Variants in KMO observed in about 807,000 individuals in gnomAD.
KMO encodes kynurenine 3-monooxygenase.
KMO carries 24 observed loss-of-function variants against 57.8 expected under a neutral mutation model. The ratio of observed to expected loss-of-function variants is 0.42; its 90% CI spans 0.30 to 0.58. The LOEUF (loss-of-function observed/expected upper bound fraction) is 0.58, where lower values mean the gene tolerates loss of function less well. Ranked by LOEUF, KMO falls within the 20% of genes least tolerant of loss-of-function variation. The pLI is 0.22. For missense variants in KMO, 483 were observed against 588.2 expected (o/e 0.82, Z 1.85); for synonymous variants, 210 against 193.6 (o/e 1.08, Z -0.70).
intron 1 of KMO, among the ~76,000 whole-genome samples, chr1:241,538,907 T>G (rs932045224): frequency 1.3e-5 from 2 of 152,116 alleles, no homozygotes; most frequent in Non-Finnish European, 2.9e-5. Context: ...ATTTGGCGCA[T>G]CCTCCTCCCA....
intron 5 of KMO, among the ~76,000 whole-genome samples, chr1:241,558,395 A>C (rs1005981702): frequency 1.3e-5 from 2 of 152,200 alleles, no homozygotes; most frequent in African/African-American, 4.8e-5. Context: ...CGAGGCATCA[A>C]ATGTGGGAGG....
At chr1:241,549,225 G>GA (rs1442252798) in intron 2 of KMO, among the ~76,000 whole-genome samples, 6 of 9,454 alleles carry the variant, frequency 6.3e-4, no homozygotes, top group Admixed American at 7.9e-4. Flanking sequence ...AAGAAAGAAA[G>GA]AAAGAAAGAA....
In KMO at chr1:241,593,416, C is replaced by T. The variant is rs536053372; in HGVS notation, c.*1263C>T. 266 of 407,146 alleles carry T rather than the reference C, an allele frequency of 6.5e-4. 1 individual carries two copies. The highest frequency in any genetic ancestry group is 4.9e-3 in the African/African-American group (243 of 49,564). 25.2% of individuals were successfully genotyped at this position (407,146 alleles called of 1,614,324 possible). On this transcript the variant is annotated 3_prime_UTR_variant, in exon 15 of 15. Transcript: ENST00000366559. ...AACATGATTAATTATGAAGATGAAA[C>T]ACTAGAGTCATATAAGAAATAAAAA...
At chr1:241,564,150 T>C (rs1169806888) in intron 7 of KMO, among the ~76,000 whole-genome samples, 1 of 152,150 alleles carries the variant, frequency 6.6e-6, no homozygotes, top group Non-Finnish European at 1.5e-5. Flanking sequence ...AGTGTAAAAA[T>C]GTTAGCTCCA....
At chr1:241,586,326 G>C in intron 10 of KMO, among the ~76,000 whole-genome samples, 1 of 150,406 alleles carries the variant, frequency 6.6e-6, no homozygotes, top group East Asian at 2.0e-4. Flanking sequence ...AGCCTCCCGA[G>C]TAGCTGGGAC....
At chr1:241,536,113 GT>G (rs1023524432) in intron 1 of KMO, among the ~76,000 whole-genome samples, 222 of 149,084 alleles carry the variant, frequency 1.5e-3, no homozygotes, top group African/African-American at 4.0e-3. Context: ...TTTTTAAAGA[GT>G]TTTTTTTTTA....
Position 241,588,167 on chromosome 1 carries a change from C to A in KMO, c.1016-581C>A, listed in dbSNP as rs79563324. ...ATACTCTCAACTTCAGAGTTGTGAACACTGAATAATTTCTATAAAGTTTTA... is the reference window on the plus strand; with the variant it reads ...ATACTCTCAACTTCAGAGTTGTGAAAACTGAATAATTTCTATAAAGTTTTA... On this transcript the variant is annotated intron_variant, in intron 11 of 14. Coordinates refer to ENST00000366559, the MANE Select transcript of KMO (RefSeq NM_003679.5). Among the ~76,000 whole-genome samples the A allele has an allele frequency of 4.3e-3, 656 of 151,924 alleles. 5 individuals are homozygous for A. Among genetic ancestry groups the A allele is most frequent in the African/African-American group, 0.015 (634 of 41,444 alleles).
At chr1:241,569,978 TTTTTATTA>T (rs1662217331) in intron 10 of KMO, among the ~76,000 whole-genome samples, 1 of 152,024 alleles carries the variant, frequency 6.6e-6, no homozygotes, top group African/African-American at 2.4e-5. Flanking sequence ...TCAGATATTA[TTTTTATTA>T]TTTTATTATT....
chr1:241,563,351 T>G (rs1488302985), intron 7 of KMO, among the ~76,000 whole-genome samples: 2 of 152,198 alleles, frequency 1.3e-5, no homozygotes, highest in Non-Finnish European at 2.9e-5. Context: ...GATTTGCATA[T>G]AAAGCATACA....
At chr1:241,566,717 C>T (rs1299417608) in intron 9 of KMO, 105 bp downstream of exon 9, 9 of 1,188,770 alleles carry the variant, frequency 7.6e-6, no homozygotes, top group Non-Finnish European at 1.1e-5. Context: ...ATGGATCATG[C>T]AGTAACCTGG....
intron 10 of KMO, among the ~76,000 whole-genome samples, chr1:241,572,860 C>T (rs1296499120): frequency 1.3e-5 from 2 of 152,134 alleles, no homozygotes; most frequent in Admixed American, 6.5e-5. Flanking sequence ...CATAATTTAG[C>T]TCCCACTTAT....
chr1:241,548,720 A>G (rs1661249786), intron 1 of KMO, 109 bp from the exon 2 acceptor site: 1 of 625,914 alleles, frequency 1.6e-6, no homozygotes, highest in Admixed American at 2.5e-5. Flanking sequence ...ATGACCACAC[A>G]CAATGTGAGG....
Position 241,594,073 on chromosome 1 carries a change from T to C in KMO, c.*1920T>C, listed in dbSNP as rs1573947067. ...TTCACACATGTGTACGCGACAGTTATTTTTACAGTAAGGTATTTTCGAGAA... is the reference window on the plus strand; with the variant it reads ...TTCACACATGTGTACGCGACAGTTACTTTTACAGTAAGGTATTTTCGAGAA... On this transcript the variant is annotated 3_prime_UTR_variant, in exon 15 of 15. Transcript: ENST00000366559. 4.2e-6 allele frequency: 1 copy of C among 240,214 alleles called. No individual in the cohort carries two copies. Among genetic ancestry groups the C allele is most frequent in the East Asian group, 1.1e-4 (1 of 9,504 alleles). The allele number at this position is 240,214 out of a possible 1,614,324, so 14.9% of individuals were successfully genotyped here. A position where few individuals can be genotyped will look rare whatever the true frequency, so the allele number is the denominator to read the frequency against.
At position 241,595,607 on chromosome 1, in the gene KMO, T is replaced by C. The variant is rs1211403826; in HGVS notation, c.*3454T>C. On this transcript the variant is annotated 3_prime_UTR_variant, in exon 15 of 15. Transcript: ENST00000366559. ...TGTTGAATATATGGACTTTCTCAGA[T>C]TAGGAAATACCAATTAAAAATATAA... The C allele has an allele frequency of 1.3e-5, 2 of 152,238 alleles. No individual in the cohort carries two copies. The highest frequency in any genetic ancestry group is 2.9e-5 in the Non-Finnish European group (2 of 68,036). The allele number at this position is 152,238 out of a possible 1,614,324, so 9.4% of individuals were successfully genotyped here.
intron 1 of KMO, among the ~76,000 whole-genome samples, chr1:241,545,555 T>C (rs1198952266): frequency 6.6e-6 from 1 of 152,218 alleles, no homozygotes; most frequent in Non-Finnish European, 1.5e-5. Flanking sequence ...TTCCCCTTTT[T>C]ATAAAGACAC....
intron 6 of KMO, among the ~76,000 whole-genome samples, chr1:241,561,483 T>C (rs1661833011): frequency 6.6e-6 from 1 of 152,180 alleles, no homozygotes; most frequent in Admixed American, 6.5e-5. Flanking sequence ...GGCTTCAGAG[T>C]CTGTCTTCCT....
At chr1:241,566,171 A>C (rs61825646) in intron 8 of KMO, among the ~76,000 whole-genome samples, 25,375 of 152,170 alleles carry the variant, frequency 0.17, 2,447 homozygotes, top group Middle Eastern at 0.23. Flanking sequence ...GCCCCACAGC[A>C]CTCCGGCCTG....
intron 10 of KMO, among the ~76,000 whole-genome samples, chr1:241,573,501 A>AGTT (rs2147971818): frequency 6.6e-6 from 1 of 152,284 alleles, no homozygotes; most frequent in South Asian, 2.1e-4. Context: ...GTGGCTATCC[A>AGTT]GTTTTCCCAG....
At chr1:241,541,698 T>C (rs552462610) in intron 1 of KMO, among the ~76,000 whole-genome samples, 2 of 152,216 alleles carry the variant, frequency 1.3e-5, no homozygotes, top group Non-Finnish European at 2.9e-5. Flanking sequence ...GCATAACATA[T>C]GCAATTCTGG....
Sources: allele counts gnomAD v4.1 joint callset (sites outside exome capture counted in the v4.1 genomes callset), GRCh38; gene constraint gnomAD v4.1.1; transcripts MANE v1.5; gene names NCBI Gene and HGNC (gene_info 2026-07-23, HGNC 2026-07-21).